The following CPSF4L variants were observed in gnomAD, a reference collection of about 807,000 sequenced individuals.
CPSF4L encodes putative cleavage and polyadenylation specificity factor subunit 4-like protein.
Under a neutral mutation model 24.0 loss-of-function variants are expected in CPSF4L, and 18 were observed. The ratio of observed to expected loss-of-function variants is 0.75; its 90% CI spans 0.52 to 1.11. The LOEUF (loss-of-function observed/expected upper bound fraction) is 1.11, where lower values mean the gene tolerates loss of function less well. Ranked by LOEUF, CPSF4L falls within the 50% of genes least tolerant of loss-of-function variation. CPSF4L has a pLI of 0.00. For synonymous variants in CPSF4L, 72 were observed against 77.2 expected, an observed-to-expected ratio of 0.93 and a Z score of 0.35; for missense variants, 211 against 221.8, an observed-to-expected ratio of 0.95 and a Z score of 0.31.
chr17:73,255,661 A>G (rs79986344), intron 3 of CPSF4L, among the ~76,000 whole-genome samples: 2,612 of 152,240 alleles, frequency 0.017, 62 homozygotes, highest in African/African-American at 0.058. Context: ...CCTCACGTTC[A>G]TGAAGGGTTC....
chr17:73,257,556 GTC>G, intron 3 of CPSF4L, 123 bp downstream of exon 3: 2 of 954,056 alleles, frequency 2.1e-6, no homozygotes, highest in Admixed American at 2.5e-5. Context: ...ACTCAGACAG[GTC>G]TCTCTGGCCT....
chr17:73,261,709 C>T lies in CPSF4L; in HGVS notation c.103+7G>A. 3 of 1,535,560 alleles carry T rather than the reference C, an allele frequency of 2.0e-6. No homozygotes were observed. Among genetic ancestry groups the T allele is most frequent in the Non-Finnish European group, 2.6e-6 (3 of 1,132,314 alleles). ...AGGGGAGGGAAAGTGGCCCCACCCT[C>T]ACTCACTGTCCATGCCCTGGAAAGG... On this transcript the variant is annotated splice_region_variant and intron_variant, in intron 1 of 5. Coordinates refer to ENST00000344935, the MANE Select transcript of CPSF4L (RefSeq NM_001129885.1).
Position 73,250,073 on chromosome 17 carries a change from T to G in CPSF4L, c.498-1537A>C, listed in dbSNP as rs150145938. 9.3e-6 allele frequency: 5 copies of G among 534,844 alleles called. No individual in the cohort carries two copies. The East Asian group carries it at 1.7e-4, about 18-fold the overall frequency. 33.1% of individuals were successfully genotyped at this position (534,844 alleles called of 1,614,324 possible). On this transcript the variant is annotated intron_variant, in intron 5 of 5. Coordinates refer to ENST00000344935, the MANE Select transcript of CPSF4L (RefSeq NM_001129885.1). ...TCTGCCTCCAAACCTGTTGTATTTT[T>G]AGTAGCTCGTTCACTTACAGGATCA... is the stretch of plus-strand genomic sequence containing the variant.
intron 4 of CPSF4L, among the ~76,000 whole-genome samples, chr17:73,253,129 G>A (rs1018542208): frequency 2.0e-5 from 3 of 152,226 alleles, no homozygotes; most frequent in Admixed American, 2.0e-4. Flanking sequence ...GGAGGCCAAG[G>A]TGGGTGGATC....
chr17:73,242,273 AT>A, the CPSF4L span: 1 of 1,603,672 alleles, frequency 6.2e-7, no homozygotes, highest in Non-Finnish European at 8.5e-7. Context: ...CTCAACTCAT[AT>A]AAGGAGTTTG....
chr17:73,242,187 T>C, the CPSF4L span: 3 of 1,183,878 alleles, frequency 2.5e-6, no homozygotes, highest in South Asian at 2.7e-5. Flanking sequence ...CACTGGATGT[T>C]AGGGAAGGGG....
intron 3 of CPSF4L, among the ~76,000 whole-genome samples, chr17:73,254,537 T>C (rs1472027179): frequency 6.6e-6 from 1 of 152,230 alleles, no homozygotes; most frequent in Non-Finnish European, 1.5e-5. Flanking sequence ...GCACCTGCAT[T>C]ATACTAAGCC....
rs1159322139 is a variant in CPSF4L, at chr17:73,257,808, G to A, written c.180C>T (p.Asp60=). Residue 60 remains aspartate, a synonymous_variant, in exon 3 of 6, where the codon GAC becomes GAT. Transcript: ENST00000344935. The part of the protein sequence containing the change: ...EKGKLCPFRH[D]RGEKMVVCKH... ...TGCATACCACCATCTTCTCCCCTCG[G>A]TCATGTCGGAAGGGGCAGAGTTTCC... 1 of 1,551,528 alleles carries A rather than the reference G, an allele frequency of 6.4e-7. No homozygotes were observed. Among genetic ancestry groups the A allele is most frequent in the South Asian group, 1.2e-5 (1 of 84,050 alleles).
chr17:73,246,894 C>T (rs1208489272), downstream of CPSF4L, among the ~76,000 whole-genome samples: 1 of 152,150 alleles, frequency 6.6e-6, no homozygotes, highest in Non-Finnish European at 1.5e-5. Flanking sequence ...TGTGAATGCT[C>T]TTTAGGAGAG....
intron 3 of CPSF4L, among the ~76,000 whole-genome samples, chr17:73,256,214 C>T (rs2062024293): frequency 6.6e-6 from 1 of 152,158 alleles, no homozygotes. Flanking sequence ...AAGTAGGTGG[C>T]ATTTTATTAC....
At chr17:73,245,174 A>T, downstream of CPSF4L, 2 of 1,613,744 alleles carry the variant, frequency 1.2e-6, no homozygotes, top group Non-Finnish European at 1.7e-6. Flanking sequence ...AAAGAGCTGC[A>T]GCGGTGGCGT....
chr17:73,262,344 CT>C (rs2062050550), upstream of CPSF4L: 1 of 153,188 alleles, frequency 6.5e-6, no homozygotes, highest in Non-Finnish European at 1.5e-5. Flanking sequence ...TCTGGGGCCC[CT>C]GACACCCCTT....
At chr17:73,248,096 G>C (rs2061976796), downstream of CPSF4L, 1 of 177,858 alleles carries the variant, frequency 5.6e-6, no homozygotes, top group African/African-American at 2.4e-5. Context: ...ACACTTCACA[G>C]CTCCAGGGTG....
chr17:73,251,094 C>T, intron 5 of CPSF4L: 2 of 1,545,150 alleles, frequency 1.3e-6, no homozygotes, highest in South Asian at 1.2e-5. Flanking sequence ...CCGGGGCCGG[C>T]TGGCAAGCTA....
chr17:73,261,278 G>A (rs2062043922), intron 1 of CPSF4L, among the ~76,000 whole-genome samples: 1 of 152,244 alleles, frequency 6.6e-6, no homozygotes, highest in Non-Finnish European at 1.5e-5. Flanking sequence ...TTCTCAGTCT[G>A]GAAAATGGGT....
chr17:73,253,887 T>C, intron 4 of CPSF4L, 44 bp downstream of exon 4: 5 of 1,383,636 alleles, frequency 3.6e-6, no homozygotes, highest in Non-Finnish European at 5.0e-6. Context: ...GCTCCCACCC[T>C]GATCCCCACA....
the CPSF4L span, chr17:73,242,175 G>C: frequency 2.0e-6 from 2 of 1,021,542 alleles, no homozygotes; most frequent in Non-Finnish European, 2.9e-6. Context: ...TGGATCCTTC[G>C]GCACTGGATG....
At chr17:73,243,656 G>C (rs183739961), downstream of CPSF4L, among the ~76,000 whole-genome samples, 128 of 151,650 alleles carry the variant, frequency 8.4e-4, no homozygotes, top group Non-Finnish European at 1.4e-3. Flanking sequence ...AGCCTCCTGA[G>C]TAGCTGGGAC....
At chr17:73,259,029 C>G (rs1374379857) in intron 2 of CPSF4L, among the ~76,000 whole-genome samples, 1 of 95,106 alleles carries the variant, frequency 1.1e-5, no homozygotes, top group African/African-American at 2.9e-5. Context: ...ACACCCAGTT[C>G]CTAAGTTTCT....
Sources: allele counts gnomAD v4.1 joint callset (sites outside exome capture counted in the v4.1 genomes callset), GRCh38; gene constraint gnomAD v4.1.1; transcripts MANE v1.5; gene names NCBI Gene and HGNC (gene_info 2026-07-23, HGNC 2026-07-21).